CNGB1: variants seen among roughly 807,000 people sequenced by gnomAD.
CNGB1 encodes the protein cyclic nucleotide gated channel subunit beta 1, also known as cyclic nucleotide-gated channel beta-1.
A neutral mutation model predicts 151.7 loss-of-function variants in CNGB1; 126 were observed. That is an observed-to-expected ratio of 0.83 (90% CI 0.72 to 0.96). The LOEUF is 0.96. Among genes scored for constraint, CNGB1 ranks in the 40% least tolerant of loss-of-function variants. The probability of loss-of-function intolerance (pLI) is 0.00; values close to 1 mark genes in which losing one functional copy is unlikely to be tolerated. For missense variants in CNGB1, 1,698 were observed against 1,627.0 expected, an observed-to-expected ratio of 1.04 and a Z score of -0.75; for synonymous variants, 623 against 635.1, an observed-to-expected ratio of 0.98 and a Z score of 0.29.
intron 16 of CNGB1, among the ~76,000 whole-genome samples, chr16:57,938,150 G>C (rs1961562961): frequency 6.6e-6 from 1 of 152,176 alleles, no homozygotes; most frequent in African/African-American, 2.4e-5. Context: ...GCATTTCTCA[G>C]AGTGTGGGTC....
At chr16:57,945,020 A>G (rs1961770550) in intron 14 of CNGB1, among the ~76,000 whole-genome samples, 1 of 152,094 alleles carries the variant, frequency 6.6e-6, no homozygotes, top group Admixed American at 6.6e-5. Context: ...CTAGGGAAAA[A>G]AAAACTCAAA....
chr16:57,961,823 G>A (rs967410675), intron 7 of CNGB1, among the ~76,000 whole-genome samples: 7 of 152,188 alleles, frequency 4.6e-5, no homozygotes, highest in Non-Finnish European at 8.8e-5. Flanking sequence ...GGAGCCAGCA[G>A]TCTAATGAAT....
Position 57,903,835 on chromosome 16 carries a change from C to A in CNGB1, c.2781G>T (p.Ser927=). The change falls in exon 27 of 33, where the codon TCG becomes TCT. Residue 927 remains serine (S), a synonymous_variant. Coordinates refer to ENST00000251102, the MANE Select transcript of CNGB1 (RefSeq NM_001297.5). ...VKTWYEYTWH[S]QGMLDESELM... ...TGACCATCTTACCCAGCATGCCTTG[C>A]GAGTGCCAGGTGTACTCGTACCAGG... The A allele has an allele frequency of 1.9e-6, 3 of 1,614,100 alleles. No homozygotes were observed. Among genetic ancestry groups the A allele is most frequent in the South Asian group, 1.1e-5 (1 of 91,068 alleles).
At chr16:57,912,840 T>C (rs1960764225) in intron 24 of CNGB1, 90 bp downstream of exon 24, 1 of 1,282,272 alleles carries the variant, frequency 7.8e-7, no homozygotes, top group Non-Finnish European at 1.1e-6. Flanking sequence ...GTTGTGTGTG[T>C]GTCATCTGTG....
At chr16:57,913,323 G>A (rs1265560540) in intron 23 of CNGB1, among the ~76,000 whole-genome samples, 1 of 152,086 alleles carries the variant, frequency 6.6e-6, no homozygotes, top group East Asian at 1.9e-4. Flanking sequence ...TAAAGCTGCT[G>A]TTTTTAATGT....
rs78504306 is a variant in CNGB1, at chr16:57,936,168, G to A, written c.1372+3262C>T. Among the ~76,000 whole-genome samples the A allele has an allele frequency of 8.1e-3, 1,235 of 152,248 alleles. 17 individuals carry two copies. Among genetic ancestry groups the A allele is most frequent in the South Asian group, 0.053 (257 of 4,812 alleles). ...GCAGTAGCAGCCCAAAGGCCACTAC[G>A]GGGACCTTGTCACAATCAATGGATC... On this transcript the variant is annotated intron_variant, in intron 16 of 32. Transcript: ENST00000251102.
At chr16:57,931,583 G>A in intron 17 of CNGB1, 133 bp downstream of exon 17, 2 of 1,029,578 alleles carry the variant, frequency 1.9e-6, no homozygotes, top group African/African-American at 1.6e-5. Context: ...GGGCATCATA[G>A]TCCCACTTCT....
chr16:57,961,777 T>C (rs960721862), intron 7 of CNGB1, among the ~76,000 whole-genome samples: 1 of 151,942 alleles, frequency 6.6e-6, no homozygotes, highest in Non-Finnish European at 1.5e-5. Flanking sequence ...GCACCAAGGG[T>C]TCAGTAGTGA....
chr16:57,889,410 C>T (rs1960025859), intron 31 of CNGB1, among the ~76,000 whole-genome samples: 1 of 152,132 alleles, frequency 6.6e-6, no homozygotes, highest in Non-Finnish European at 1.5e-5. Context: ...GCTGGGGCCC[C>T]AGTCCTACAA....
At chr16:57,904,036 G>C in intron 26 of CNGB1, 55 bp from the exon 27 acceptor site, 1 of 1,549,492 alleles carries the variant, frequency 6.5e-7, no homozygotes, top group Non-Finnish European at 8.9e-7. Context: ...GGGGGTGGGC[G>C]CTATTCCATG....
intron 7 of CNGB1, among the ~76,000 whole-genome samples, chr16:57,961,563 A>G (rs1267733033): frequency 6.6e-6 from 1 of 152,218 alleles, no homozygotes; most frequent in African/African-American, 2.4e-5. Flanking sequence ...TAGTGGTCCC[A>G]GGAATCAGCT....
At chr16:57,930,141 T>C (rs750170305) in intron 17 of CNGB1, among the ~76,000 whole-genome samples, 9 of 152,136 alleles carry the variant, frequency 5.9e-5, no homozygotes, top group Admixed American at 4.6e-4. Context: ...CCCATGTTCA[T>C]TGTAACACTA....
intron 14 of CNGB1, among the ~76,000 whole-genome samples, chr16:57,947,065 G>T (rs1364663470): frequency 6.6e-6 from 1 of 152,212 alleles, no homozygotes; most frequent in South Asian, 2.1e-4. Context: ...GCATGTGTGT[G>T]GGTATACGTG....
At chr16:57,912,572 TTG>T (rs139857300) in intron 24 of CNGB1, among the ~76,000 whole-genome samples, 649 of 144,176 alleles carry the variant, frequency 4.5e-3, no homozygotes, top group Non-Finnish European at 6.6e-3. Flanking sequence ...ACTTCCTGTG[TTG>T]TGTGTGTGTG....
At chr16:57,918,766 C>A (rs1341031241) in intron 20 of CNGB1, among the ~76,000 whole-genome samples, 3 of 152,134 alleles carry the variant, frequency 2.0e-5, no homozygotes, top group Non-Finnish European at 4.4e-5. Flanking sequence ...ATTGTGCGAT[C>A]TTGACTCAGT....
chr16:57,940,619 G>T (rs1961644512), intron 14 of CNGB1, among the ~76,000 whole-genome samples: 1 of 152,128 alleles, frequency 6.6e-6, no homozygotes, highest in Non-Finnish European at 1.5e-5. Context: ...CACAAAGAAT[G>T]GTGGGGAGGA....
chr16:57,920,402 C>T lies in CNGB1; in HGVS notation c.1786G>A (p.Glu596Lys), dbSNP rs199804324. The change falls in exon 19 of 33, where the codon GAG becomes AAG. Residue 596 changes from glutamate to lysine, a missense_variant. By Grantham distance (56) the Glu-to-Lys change is moderately conservative. Coordinates refer to ENST00000251102, the MANE Select transcript of CNGB1 (RefSeq NM_001297.5). The stretch of plus-strand genomic sequence containing the variant: ...CCAGACTCACAGGGCTTGGGGCTCT[C>T]CTCATCAGAGGTGACGTCAGGGTCA... ...LIDPDVTSDE[E>K]SPKPSPAKKA... 25 of 1,614,172 alleles carry T rather than the reference C, an allele frequency of 1.5e-5. No individual in the cohort carries two copies. The African/African-American group carries it at 2.7e-4, about 17-fold the overall frequency.
intron 10 of CNGB1, among the ~76,000 whole-genome samples, chr16:57,958,878 C>T (rs1235720351): frequency 2.0e-5 from 3 of 151,978 alleles, no homozygotes; most frequent in Admixed American, 6.6e-5. Flanking sequence ...CTGTCTCAGC[C>T]CCCTGAGTAG....
Position 57,883,416 on chromosome 16 carries a change from ATGTGAACCAC to A in CNGB1, c.*738_*747del, listed in dbSNP as rs565641035. 296 of 152,900 alleles carry A rather than the reference ATGTGAACCAC, an allele frequency of 1.9e-3. No homozygotes were observed. The highest frequency in any genetic ancestry group is 3.4e-3 in the Middle Eastern group (1 of 294). 9.5% of individuals were successfully genotyped at this position (152,900 alleles called of 1,614,324 possible). On this transcript the variant is annotated 3_prime_UTR_variant, in exon 33 of 33. Transcript: ENST00000251102. Reference sequence around the variant, plus strand: ...GCTTCCCAAACTGCTGGGATTGCAGATGTGAACCACTGTGCAGGGCTATCTTTTAGTTTTT... The same window carrying A: ...GCTTCCCAAACTGCTGGGATTGCAGATGTGCAGGGCTATCTTTTAGTTTTT...
Sources: allele counts gnomAD v4.1 joint callset (sites outside exome capture counted in the v4.1 genomes callset), GRCh38; gene constraint gnomAD v4.1.1; transcripts MANE v1.5; gene names NCBI Gene and HGNC (gene_info 2026-07-23, HGNC 2026-07-21).